The following DLGAP2 variants were observed in gnomAD, a reference collection of about 807,000 sequenced individuals.
DLGAP2 encodes the protein DLG associated protein 2, also known as disks large-associated protein 2.
Under a neutral mutation model 100.3 loss-of-function variants are expected in DLGAP2, and 26 were observed. That is an observed-to-expected ratio of 0.26 (90% confidence interval 0.19 to 0.36). The LOEUF is 0.36. DLGAP2 is among the 10% of genes least tolerant of loss of function. The pLI, the probability that DLGAP2 is intolerant of heterozygous loss-of-function variation, is 1.00. For synonymous variants in DLGAP2, 886 were observed against 630.1 expected (o/e 1.41, Z -6.08); for missense variants, 1,858 against 1,453.2 (o/e 1.28, Z -4.53).
intron 1 of DLGAP2, among the ~76,000 whole-genome samples, chr8:883,656 G>A (rs1471414561): frequency 2.0e-5 from 3 of 151,328 alleles, no homozygotes; most frequent in South Asian, 2.1e-4. Context: ...GCGGCGGTTC[G>A]TTACGTAGGT....
At chr8:1,000,994 C>T (rs567919943) in intron 2 of DLGAP2, among the ~76,000 whole-genome samples, 3 of 152,276 alleles carry the variant, frequency 2.0e-5, no homozygotes, top group East Asian at 1.9e-4. Context: ...TCACCCTGTT[C>T]GCTGTGCCAT....
At chr8:862,317 T>C (rs981756134) in intron 1 of DLGAP2, among the ~76,000 whole-genome samples, 4 of 151,220 alleles carry the variant, frequency 2.6e-5, no homozygotes, top group African/African-American at 4.9e-5. Context: ...TTTTTTTTTT[T>C]CTTGAGACGT....
At chr8:1,013,628 CGGT>C (rs369394389) in intron 2 of DLGAP2, among the ~76,000 whole-genome samples, 1,975 of 136,226 alleles carry the variant, frequency 0.014, 86 homozygotes, top group African/African-American at 0.061. Flanking sequence ...CCAGGACAGA[CGGT>C]GCCTCCACTG....
At chr8:813,232 A>C (rs908622542) in intron 1 of DLGAP2, among the ~76,000 whole-genome samples, 2 of 152,072 alleles carry the variant, frequency 1.3e-5, no homozygotes, top group Non-Finnish European at 2.9e-5. Context: ...TATCTCGTGG[A>C]TATCCTAGTG....
intron 1 of DLGAP2, among the ~76,000 whole-genome samples, chr8:893,694 C>T (rs911880745): frequency 6.6e-6 from 1 of 152,224 alleles, no homozygotes; most frequent in Non-Finnish European, 1.5e-5. Flanking sequence ...CTCCTGCCTG[C>T]AGGTCTATCC....
intron 1 of DLGAP2, among the ~76,000 whole-genome samples, chr8:781,948 A>G (rs1221425376): frequency 6.6e-6 from 1 of 152,144 alleles, no homozygotes; most frequent in Non-Finnish European, 1.5e-5. Context: ...GGATGGAGAG[A>G]GGCTGATTAA....
chr8:1,294,344 T>C (rs772531977), intron 3 of DLGAP2, among the ~76,000 whole-genome samples: 2 of 152,184 alleles, frequency 1.3e-5, no homozygotes, highest in African/African-American at 2.4e-5. Context: ...AGAAGCCAGA[T>C]TGTGATTGGC....
intron 1 of DLGAP2, among the ~76,000 whole-genome samples, chr8:867,600 A>G (rs532040916): frequency 5.3e-5 from 8 of 152,308 alleles, no homozygotes; most frequent in African/African-American, 1.9e-4. Context: ...CACATCTGAG[A>G]AGGCTGTGGA....
intron 2 of DLGAP2, among the ~76,000 whole-genome samples, chr8:1,069,334 C>T (rs566768187): frequency 6.6e-5 from 10 of 152,202 alleles, no homozygotes; most frequent in South Asian, 6.2e-4. Flanking sequence ...GACAGACCTG[C>T]GGCCCGTGGA....
intron 2 of DLGAP2, among the ~76,000 whole-genome samples, chr8:1,231,335 C>G (rs189856093): frequency 6.6e-6 from 1 of 152,112 alleles, no homozygotes; most frequent in Non-Finnish European, 1.5e-5. Context: ...AGTCGAAAAA[C>G]AACAGATGCT....
intron 3 of DLGAP2, among the ~76,000 whole-genome samples, chr8:1,468,234 C>T (rs919106276): frequency 1.3e-5 from 2 of 149,950 alleles, no homozygotes; most frequent in African/African-American, 2.5e-5. Context: ...CAGCCTCGGT[C>T]GGTTCTGAGA....
chr8:870,712 C>T lies in DLGAP2; in HGVS notation c.19-37200C>T, dbSNP rs538956145. 4.6e-5 allele frequency among the ~76,000 whole-genome samples: 7 copies of T among 152,306 alleles called. No homozygotes were observed. The South Asian group carries it at 1.0e-3, about 23-fold the overall frequency. On this transcript the variant is annotated intron_variant, in intron 1 of 14. Transcript: ENST00000637795. Reference sequence around the variant, plus strand: ...CTTGGTGAGAGATTTCCAGAAACCTCCTCAGCACCCCAGCACATTCCCTGA... The same window carrying T: ...CTTGGTGAGAGATTTCCAGAAACCTTCTCAGCACCCCAGCACATTCCCTGA...
In DLGAP2 at chr8:1,281,670, A is replaced by T. The variant is rs1415683117; in HGVS notation, c.106+22787A>T. Among the ~76,000 whole-genome samples the T allele has an allele frequency of 3.9e-5, 6 of 152,138 alleles. 1 individual carries two copies. Among genetic ancestry groups the T allele is most frequent in the African/African-American group, 1.4e-4 (6 of 41,448 alleles). Reference sequence around the variant, plus strand: ...CAAGAGTACAGCACCAGTGTTTTTCATGAAATTCAGCTCCCCACACTCCCT... The same window carrying T: ...CAAGAGTACAGCACCAGTGTTTTTCTTGAAATTCAGCTCCCCACACTCCCT... On this transcript the variant is annotated intron_variant, in intron 3 of 14. Transcript: ENST00000637795.
At chr8:1,318,517 C>G (rs890460904) in intron 3 of DLGAP2, among the ~76,000 whole-genome samples, 1 of 150,850 alleles carries the variant, frequency 6.6e-6, no homozygotes, top group Non-Finnish European at 1.5e-5. Flanking sequence ...CTGTTCCTGA[C>G]TTTGAAGTTT....
intron 1 of DLGAP2, chr8:739,091 A>G (rs982104249): frequency 1.3e-5 from 2 of 153,764 alleles, no homozygotes; most frequent in East Asian, 1.9e-4. Context: ...TATCGATTAA[A>G]GATAAAGCGA....
intron 2 of DLGAP2, among the ~76,000 whole-genome samples, chr8:1,010,362 CTCAT>C (rs1801243982): frequency 1.3e-5 from 2 of 152,118 alleles, no homozygotes; most frequent in Admixed American, 1.3e-4. Flanking sequence ...CACACACGCA[CTCAT>C]TCTCACATGT....
At chr8:932,768 C>T (rs1489044792) in intron 2 of DLGAP2, among the ~76,000 whole-genome samples, 1 of 152,050 alleles carries the variant, frequency 6.6e-6, no homozygotes, top group African/African-American at 2.4e-5. Flanking sequence ...ATTCCCTGTA[C>T]TGCTTTTGTA....
Position 1,294,331 on chromosome 8 carries a change from C to T in DLGAP2, c.106+35448C>T, listed in dbSNP as rs192289340. On this transcript the variant is annotated intron_variant, in intron 3 of 14. Transcript: ENST00000637795. ...AAATGCCATGTTCACATTAGAACCT[C>T]GGAGAAGCCAGATTGTGATTGGCAC... Among the ~76,000 whole-genome samples, 88 of 152,298 alleles carry T rather than the reference C, an allele frequency of 5.8e-4. 1 individual carries two copies. The highest frequency in any genetic ancestry group is 2.0e-4 in the Admixed American group (3 of 15,310).
At chr8:1,649,925 G>T in intron 8 of DLGAP2, among the ~76,000 whole-genome samples, 1 of 152,096 alleles carries the variant, frequency 6.6e-6, no homozygotes, top group East Asian at 1.9e-4. Context: ...ATGAGTACAA[G>T]GAAGATAAAG....
Sources: gnomAD v4.1 joint callset for allele counts (sites outside exome capture counted in the v4.1 genomes callset) on GRCh38, gnomAD v4.1.1 for gene constraint, MANE v1.5 for transcripts, NCBI Gene and HGNC (gene_info 2026-07-23, HGNC 2026-07-21) for gene names.